The following AGMO variants were observed in gnomAD, a reference collection of about 807,000 sequenced individuals.
AGMO encodes glyceryl-ether monooxygenase.
AGMO carries 75 observed loss-of-function variants against 60.2 expected under a neutral mutation model. The observed-to-expected ratio is 1.25, with a 90% CI of 1.03 to 1.51. The LOEUF (loss-of-function observed/expected upper bound fraction) is 1.51. AGMO is among the 40% of genes most tolerant of loss of function. AGMO has a pLI of 0.00. For missense variants in AGMO, 763 were observed against 525.5 expected, an observed-to-expected ratio of 1.45 and a Z score of -4.42; for synonymous variants, 261 against 177.1, an observed-to-expected ratio of 1.47 and a Z score of -3.76.
intron 12 of AGMO, among the ~76,000 whole-genome samples, chr7:15,289,389 T>C (rs749987866): frequency 7.9e-5 from 12 of 152,040 alleles, no homozygotes; most frequent in Non-Finnish European, 1.2e-4. Flanking sequence ...AAAAAGTAGG[T>C]ACATTTTTAA....
chr7:15,238,140 T>C (rs187952517), intron 12 of AGMO, among the ~76,000 whole-genome samples: 5 of 152,004 alleles, frequency 3.3e-5, no homozygotes, highest in Admixed American at 1.3e-4. Flanking sequence ...TCTCTCTTTT[T>C]TTCAGTAGTA....
chr7:15,280,145 G>C (rs139441847), intron 12 of AGMO, among the ~76,000 whole-genome samples: 27 of 152,290 alleles, frequency 1.8e-4, no homozygotes, highest in African/African-American at 6.3e-4. Context: ...TGGACTGGGA[G>C]GGGAATGGTC....
At chr7:15,352,179 C>T (rs997725408) in intron 12 of AGMO, among the ~76,000 whole-genome samples, 1 of 152,118 alleles carries the variant, frequency 6.6e-6, no homozygotes, top group Admixed American at 6.5e-5. Context: ...AAGATCACCC[C>T]GCCATAGATC....
At chr7:15,318,044 C>T (rs111377463) in intron 12 of AGMO, among the ~76,000 whole-genome samples, 300 of 148,096 alleles carry the variant, frequency 2.0e-3, no homozygotes, top group African/African-American at 6.8e-3. Flanking sequence ...CTTGCTCTAT[C>T]ACCCAGGCTG....
chr7:15,187,622 C>T, the AGMO span, among the ~76,000 whole-genome samples: 55 of 152,186 alleles, frequency 3.6e-4, no homozygotes, highest in African/African-American at 1.3e-3. Flanking sequence ...TGCCCTGCTG[C>T]CAGTGGGAAG....
At chr7:15,399,446 A>G (rs117668460) in intron 5 of AGMO, among the ~76,000 whole-genome samples, 241 of 152,332 alleles carry the variant, frequency 1.6e-3, no homozygotes, top group Non-Finnish European at 2.0e-3. Flanking sequence ...CCTGAGTGCT[A>G]ATTTCTCACC....
intron 3 of AGMO, among the ~76,000 whole-genome samples, chr7:15,450,371 G>C (rs943555165): frequency 6.8e-6 from 1 of 147,796 alleles, no homozygotes; most frequent in Non-Finnish European, 1.5e-5. Flanking sequence ...AGTGAGCCAA[G>C]ATCACGCCAC....
At chr7:15,216,318 T>C (rs1362798444) in intron 12 of AGMO, among the ~76,000 whole-genome samples, 1 of 152,136 alleles carries the variant, frequency 6.6e-6, no homozygotes, top group East Asian at 1.9e-4. Context: ...GGTTGCCTGC[T>C]TTCCTGGGGA....
rs200002162 is a variant in AGMO, at chr7:15,561,869, C to A, written c.-24G>T. On this transcript the variant is annotated 5_prime_UTR_variant, in exon 1 of 13. Transcript: ENST00000342526. ...ATTTCTGCCCTTGTCTGATTCCCAG[C>A]TGGAGAATATTTAGGATTCAATGCT... The A allele has an allele frequency of 2.5e-6, 4 of 1,582,884 alleles. No homozygotes were observed. Among genetic ancestry groups the A allele is most frequent in the East Asian group, 2.3e-5 (1 of 44,140 alleles).
intron 3 of AGMO, among the ~76,000 whole-genome samples, chr7:15,543,469 T>C (rs896705828): frequency 6.6e-6 from 1 of 152,148 alleles, no homozygotes; most frequent in African/African-American, 2.4e-5. Context: ...TTTGTGAAAC[T>C]ATGGTAACAG....
chr7:15,209,602 C>T (rs1261808923), intron 12 of AGMO, among the ~76,000 whole-genome samples: 1 of 152,170 alleles, frequency 6.6e-6, no homozygotes, highest in Non-Finnish European at 1.5e-5. Flanking sequence ...CGGCTTGCAG[C>T]TTGGGGGATT....
rs990516744 is a variant in AGMO, at chr7:15,517,130, G to A, written c.409+27642C>T. 3.8e-4 allele frequency among the ~76,000 whole-genome samples: 58 copies of A among 152,056 alleles called. 1 individual carries two copies. The highest frequency in any genetic ancestry group is 1.4e-3 in the African/African-American group (57 of 41,400). The stretch of plus-strand genomic sequence containing the variant: ...TCAAGACAATATAATGATTTTGAAA[G>A]TGTGTATTGTGCATCTAATATCATA... On this transcript the variant is annotated intron_variant, in intron 3 of 12. Coordinates refer to ENST00000342526, the MANE Select transcript of AGMO (RefSeq NM_001004320.2).
intron 12 of AGMO, among the ~76,000 whole-genome samples, chr7:15,349,727 T>C (rs1162271630): frequency 4.6e-5 from 7 of 152,124 alleles, no homozygotes; most frequent in Admixed American, 4.6e-4. Context: ...CTCAGGAAAC[T>C]TATAATCATG....
chr7:15,204,050 G>A (rs1443013249), intron 12 of AGMO, among the ~76,000 whole-genome samples: 1 of 151,976 alleles, frequency 6.6e-6, no homozygotes, highest in Non-Finnish European at 1.5e-5. Flanking sequence ...TAACATAAAT[G>A]TGCCCTTCTA....
At chr7:15,226,978 T>A (rs1782101867) in intron 12 of AGMO, among the ~76,000 whole-genome samples, 1 of 152,094 alleles carries the variant, frequency 6.6e-6, no homozygotes, top group Non-Finnish European at 1.5e-5. Context: ...TAATTATGGT[T>A]AGGGAAGAAT....
chr7:15,346,858 G>GT (rs973902172), intron 12 of AGMO, among the ~76,000 whole-genome samples: 68 of 143,750 alleles, frequency 4.7e-4, no homozygotes, highest in African/African-American at 1.7e-3. Flanking sequence ...TTAGTAGTAA[G>GT]TAACTATTTT....
chr7:15,396,494 A>C (rs890800609), intron 5 of AGMO: 3 of 152,272 alleles, frequency 2.0e-5, no homozygotes, highest in Non-Finnish European at 4.4e-5. Flanking sequence ...CAGGGACCCA[A>C]AGAACGAGCA....
intron 10 of AGMO, among the ~76,000 whole-genome samples, chr7:15,375,537 C>G (rs1043540698): frequency 6.6e-6 from 1 of 151,818 alleles, no homozygotes; most frequent in African/African-American, 2.4e-5. Context: ...GCTGGGATTA[C>G]AGACACCTGC....
chr7:15,541,352 C>A lies in AGMO; in HGVS notation c.409+3420G>T, dbSNP rs182041667. Reference sequence around the variant, plus strand: ...GGTCAGGCTGGTCTCGAACTCCTGACCTCATGATCCGCCAGCCTCAGCCTC... The same window carrying A: ...GGTCAGGCTGGTCTCGAACTCCTGAACTCATGATCCGCCAGCCTCAGCCTC... On this transcript the variant is annotated intron_variant, in intron 3 of 12. Transcript: ENST00000342526. Among the ~76,000 whole-genome samples, 5 of 152,202 alleles carry A rather than the reference C, an allele frequency of 3.3e-5. No homozygotes were observed. The East Asian group carries it at 7.7e-4, about 24-fold the overall frequency.
Sources: allele counts gnomAD v4.1 joint callset (sites outside exome capture counted in the v4.1 genomes callset), GRCh38; gene constraint gnomAD v4.1.1; transcripts MANE v1.5; gene names NCBI Gene and HGNC (gene_info 2026-07-23, HGNC 2026-07-21).